The following ITSN1 variants were observed in gnomAD, a reference collection of about 807,000 sequenced individuals.
The protein encoded by ITSN1 is intersectin-1.
Under a neutral mutation model 239.8 loss-of-function variants are expected in ITSN1, and 58 were observed. The ratio of observed to expected loss-of-function variants is 0.24; its 90% CI spans 0.20 to 0.30. The LOEUF (loss-of-function observed/expected upper bound fraction) is 0.30, where lower values mean the gene tolerates loss of function less well. Among genes scored for constraint, ITSN1 ranks in the 10% least tolerant of loss-of-function variants. The probability of loss-of-function intolerance (pLI) is 1.00; values close to 1 mark genes in which losing one functional copy is unlikely to be tolerated. For synonymous variants in ITSN1, 780 were observed against 770.8 expected (o/e 1.01, Z -0.20); for missense variants, 1,558 against 2,103.3 (o/e 0.74, Z 5.07).
intron 1 of ITSN1, among the ~76,000 whole-genome samples, chr21:33,685,760 A>G (rs2091207555): frequency 6.6e-6 from 1 of 152,094 alleles, no homozygotes; most frequent in African/African-American, 2.4e-5. Flanking sequence ...TTTAAACTGA[A>G]TTCCTTTTGT....
intron 34 of ITSN1, among the ~76,000 whole-genome samples, chr21:33,879,998 T>G (rs558369600): frequency 2.0e-5 from 3 of 152,176 alleles, no homozygotes; most frequent in Non-Finnish European, 4.4e-5. Context: ...GTGCTTTGAT[T>G]TTTTCAGCTT....
At chr21:33,805,105 A>G (rs1409285477) in intron 20 of ITSN1, among the ~76,000 whole-genome samples, 2 of 152,254 alleles carry the variant, frequency 1.3e-5, no homozygotes, top group Admixed American at 6.5e-5. Flanking sequence ...TACAGCCTTC[A>G]GAAGTCTGAC....
intron 5 of ITSN1, among the ~76,000 whole-genome samples, chr21:33,736,627 T>TG: frequency 6.6e-6 from 1 of 152,226 alleles, no homozygotes; most frequent in East Asian, 1.9e-4. Context: ...AAGTGGAACT[T>TG]GCTCTGAATC....
At chr21:33,808,351 T>C (rs2072632019) in intron 20 of ITSN1, among the ~76,000 whole-genome samples, 1 of 151,844 alleles carries the variant, frequency 6.6e-6, no homozygotes, top group South Asian at 2.1e-4. Context: ...TTGGGAGGCC[T>C]AGGCGGGCAG....
intron 12 of ITSN1, among the ~76,000 whole-genome samples, chr21:33,773,380 G>C (rs189266019): frequency 6.6e-6 from 1 of 152,098 alleles, no homozygotes; most frequent in South Asian, 2.1e-4. Flanking sequence ...GGAAGGCTTC[G>C]TAAATTTAGC....
intron 1 of ITSN1, among the ~76,000 whole-genome samples, chr21:33,678,506 A>C (rs1012479180): frequency 6.6e-6 from 1 of 152,196 alleles, no homozygotes; most frequent in African/African-American, 2.4e-5. Flanking sequence ...GGTAAGTACT[A>C]GGTGACCATT....
rs111276082 is a variant in ITSN1 at position 33,889,738 on chromosome 21, C to T, written c.*1438C>T. On this transcript the variant is annotated 3_prime_UTR_variant, in exon 40 of 40. Transcript: ENST00000381318. The stretch of plus-strand genomic sequence containing the variant: ...TTCTCTTTGATTGTAGGTCCTTAGA[C>T]TTTAATTAGGGTTATCAAAGTGCTT... 2 of 152,212 alleles carry T rather than the reference C, an allele frequency of 1.3e-5. No homozygotes were observed. Among genetic ancestry groups the T allele is most frequent in the African/African-American group, 4.8e-5 (2 of 41,518 alleles). The allele number at this position is 152,212 out of a possible 1,614,324, so 9.4% of individuals were successfully genotyped here. A position where few individuals can be genotyped will look rare whatever the true frequency, so the allele number is the denominator to read the frequency against.
intron 1 of ITSN1, among the ~76,000 whole-genome samples, chr21:33,662,518 A>G (rs542503477): frequency 6.6e-6 from 1 of 152,318 alleles, no homozygotes; most frequent in East Asian, 1.9e-4. Context: ...GTTCTGTCAG[A>G]AATGGTATTA....
At chr21:33,699,845 G>T (rs1351042544) in intron 1 of ITSN1, among the ~76,000 whole-genome samples, 3 of 152,090 alleles carry the variant, frequency 2.0e-5, no homozygotes, top group African/African-American at 7.2e-5. Flanking sequence ...CTACAACCTC[G>T]AACTCCTGGG....
At chr21:33,673,405 T>G (rs1051212275) in intron 1 of ITSN1, among the ~76,000 whole-genome samples, 1 of 152,214 alleles carries the variant, frequency 6.6e-6, no homozygotes, top group Non-Finnish European at 1.5e-5. Flanking sequence ...CACGTAGCTA[T>G]GTGAGGAGAT....
Position 33,882,278 on chromosome 21 carries a change from G to T in ITSN1, c.4377G>T (p.Gly1459=). 1.2e-6 allele frequency: 2 copies of T among 1,614,126 alleles called. No individual in the cohort carries two copies. The highest frequency in any genetic ancestry group is 1.7e-6 in the Non-Finnish European group (2 of 1,180,022). Residue 1459 remains glycine (G), a synonymous_variant, in exon 35 of 40, where the codon GGG becomes GGT. Coordinates refer to ENST00000381318, the MANE Select transcript of ITSN1 (RefSeq NM_003024.3). This position sits in a 1 kb window ranked among gnomAD's most constrained non-coding sequence, Gnocchi z 4.5. ...LVFNSVTNCL[G]PRKFLHSGKL... Reference sequence around the variant, plus strand: ...TCAATTCAGTGACCAATTGCTTGGGGCCGCGCAAATTTCTGCACAGTGGGA... The same window carrying T: ...TCAATTCAGTGACCAATTGCTTGGGTCCGCGCAAATTTCTGCACAGTGGGA...
chr21:33,866,632 G>A (rs933795705), intron 32 of ITSN1, among the ~76,000 whole-genome samples: 1 of 152,286 alleles, frequency 6.6e-6, no homozygotes, highest in Non-Finnish European at 1.5e-5. Flanking sequence ...AGGTCTCAGG[G>A]CTCCAGTCAA....
At chr21:33,799,516 G>A (rs2071813872) in intron 18 of ITSN1, among the ~76,000 whole-genome samples, 1 of 152,162 alleles carries the variant, frequency 6.6e-6, no homozygotes, top group Non-Finnish European at 1.5e-5. Flanking sequence ...TGGAGCCCAA[G>A]GAAAGAGGCA....
At chr21:33,844,794 C>T (rs2074938638) in intron 29 of ITSN1, among the ~76,000 whole-genome samples, 1 of 152,050 alleles carries the variant, frequency 6.6e-6, no homozygotes. Flanking sequence ...TCCTGAGGCC[C>T]CGTGACAAGA....
At chr21:33,755,625 C>G (rs1444785360) in intron 8 of ITSN1, among the ~76,000 whole-genome samples, 2 of 152,180 alleles carry the variant, frequency 1.3e-5, no homozygotes. Flanking sequence ...AGGGATACTC[C>G]TGTACGCTGA....
At position 33,663,459 on chromosome 21, in the gene ITSN1, C is replaced by T. The variant is rs755068872; in HGVS notation, c.-33+20746C>T. Among the ~76,000 whole-genome samples the T allele has an allele frequency of 2.6e-4, 39 of 152,210 alleles. 1 individual carries two copies. The highest frequency in any genetic ancestry group is 2.4e-3 in the Admixed American group (37 of 15,276). ...GTCAAAATGTAATCCAGATGCTCTTCGTAATAGACCATTGAGTCAGAATAT... is the reference window on the plus strand; with the variant it reads ...GTCAAAATGTAATCCAGATGCTCTTTGTAATAGACCATTGAGTCAGAATAT... On this transcript the variant is annotated intron_variant, in intron 1 of 39. Coordinates refer to ENST00000381318, the MANE Select transcript of ITSN1 (RefSeq NM_003024.3).
intron 16 of ITSN1, among the ~76,000 whole-genome samples, chr21:33,790,880 A>G (rs911880482): frequency 4.6e-5 from 7 of 152,112 alleles, no homozygotes; most frequent in Non-Finnish European, 7.4e-5. Flanking sequence ...TTCTTTCTGA[A>G]GGAGTTAAAA....
intron 29 of ITSN1, among the ~76,000 whole-genome samples, chr21:33,852,317 C>T (rs1375649441): frequency 1.3e-5 from 2 of 152,114 alleles, no homozygotes; most frequent in Non-Finnish European, 2.9e-5. Context: ...GGGCTGGCTT[C>T]GTTTTCAAAA....
At chr21:33,747,500 G>A (rs2067253730) in intron 5 of ITSN1, among the ~76,000 whole-genome samples, 1 of 77,150 alleles carries the variant, frequency 1.3e-5, no homozygotes, top group South Asian at 3.6e-4. Flanking sequence ...CACACCTCAA[G>A]TAGGGTAAAT....
Sources: gnomAD v4.1 joint callset for allele counts (sites outside exome capture counted in the v4.1 genomes callset) on GRCh38, gnomAD v4.1.1 for gene constraint, Gnocchi (gnomAD v3.1) non-coding constraint, MANE v1.5 for transcripts, NCBI Gene and HGNC (gene_info 2026-07-23, HGNC 2026-07-21) for gene names.